The following MSR1 variants were observed in gnomAD, a reference collection of about 807,000 sequenced individuals.
MSR1 encodes the protein macrophage scavenger receptor 1.
In MSR1, 53 loss-of-function variants were observed where a neutral mutation model predicts 47.2. That is an observed-to-expected ratio of 1.12 (90% CI 0.90 to 1.41). The LOEUF is 1.41. Among genes scored for constraint, MSR1 ranks in the 40% most tolerant of loss-of-function variants. The pLI, the probability that MSR1 is intolerant of heterozygous loss-of-function variation, is 0.00. For synonymous variants in MSR1, 239 were observed against 185.6 expected, an observed-to-expected ratio of 1.29 and a Z score of -2.34; for missense variants, 786 against 546.9, an observed-to-expected ratio of 1.44 and a Z score of -4.36.
At chr8:16,157,691 G>A (rs1012469431) in intron 5 of MSR1, among the ~76,000 whole-genome samples, 1 of 151,860 alleles carries the variant, frequency 6.6e-6, no homozygotes, top group African/African-American at 2.4e-5. Context: ...CTTAGTTTCT[G>A]ATGCAGAACT....
intron 4 of MSR1, 47 bp downstream of exon 4, chr8:16,168,411 G>A (rs771233513): frequency 6.9e-6 from 11 of 1,603,690 alleles, no homozygotes; most frequent in Non-Finnish European, 9.4e-6. Context: ...ACGAGACTTG[G>A]ATGGATTCAG....
chr8:16,167,233 A>T (rs1186054907), intron 4 of MSR1, among the ~76,000 whole-genome samples: 1 of 152,040 alleles, frequency 6.6e-6, no homozygotes, highest in Non-Finnish European at 1.5e-5. Flanking sequence ...TCAATTCCTC[A>T]TGTTTGGGTT....
chr8:16,124,180 G>C (rs534219383), intron 8 of MSR1, among the ~76,000 whole-genome samples: 101 of 152,282 alleles, frequency 6.6e-4, no homozygotes, highest in African/African-American at 2.2e-3. Context: ...TGGACAAACA[G>C]GCCGAGTCAC....
intron 7 of MSR1, among the ~76,000 whole-genome samples, chr8:16,149,661 G>C (rs940101835): frequency 2.6e-5 from 4 of 151,876 alleles, no homozygotes; most frequent in African/African-American, 9.7e-5. Context: ...ATATCATCAT[G>C]TGTGTACATT....
At chr8:16,183,648 T>C (rs1801906357) in intron 1 of MSR1, among the ~76,000 whole-genome samples, 1 of 141,982 alleles carries the variant, frequency 7.0e-6, no homozygotes, top group Non-Finnish European at 1.5e-5. Flanking sequence ...ATAATAAATA[T>C]ATTATCATAT....
chr8:16,108,964 T>G lies in MSR1; in HGVS notation c.*1121A>C, dbSNP rs1320182564. 6.6e-6 allele frequency: 1 copy of G among 152,136 alleles called. No homozygotes were observed. Among genetic ancestry groups the G allele is most frequent in the Non-Finnish European group, 1.5e-5 (1 of 68,010 alleles). The allele number at this position is 152,136 out of a possible 1,614,324, so 9.4% of individuals were successfully genotyped here. A position where few individuals can be genotyped will look rare whatever the true frequency, so the allele number is the denominator to read the frequency against. On this transcript the variant is annotated 3_prime_UTR_variant, in exon 10 of 10. Transcript: ENST00000262101. ...TTCAGAATTCTGTTATTTTCAGGGCTGAGGTTGAATTCATTTGCGCTTTAA... is the reference window on the plus strand; with the variant it reads ...TTCAGAATTCTGTTATTTTCAGGGCGGAGGTTGAATTCATTTGCGCTTTAA...
chr8:16,190,345 A>C (rs1045881115), intron 1 of MSR1, among the ~76,000 whole-genome samples: 2 of 152,184 alleles, frequency 1.3e-5, no homozygotes, highest in African/African-American at 4.8e-5. Flanking sequence ...TAAATTTATA[A>C]ATATTCCAGA....
At chr8:16,132,388 G>A (rs1800281396) in intron 8 of MSR1, among the ~76,000 whole-genome samples, 1 of 152,028 alleles carries the variant, frequency 6.6e-6, no homozygotes, top group Non-Finnish European at 1.5e-5. Context: ...GAGCTTTTGG[G>A]TCAAGACTAT....
Position 16,150,284 on chromosome 8 carries a change from C to T in MSR1, c.926G>A (p.Gly309Glu), listed in dbSNP as rs1174944723. 22 of 1,570,340 alleles carry T rather than the reference C, an allele frequency of 1.4e-5. No individual in the cohort carries two copies. Among genetic ancestry groups the T allele is most frequent in the Non-Finnish European group, 1.9e-5 (22 of 1,155,710 alleles). ...IGPPGLKGDR[G>E]AIGFPGSRGL... ...TCGACTTCCAGGAAAGCCAATTGCT[C>T]CCCGATCACCTTTAAGACCCGGAGG... Residue 309 changes from glycine (G) to glutamate (E), a missense_variant, in exon 7 of 10, where the codon GGA becomes GAA. Physicochemically the swap from Gly to Glu is moderately conservative, Grantham distance 98. Transcript: ENST00000262101.
chr8:16,112,687 T>C (rs1799784821), intron 9 of MSR1, among the ~76,000 whole-genome samples: 1 of 152,088 alleles, frequency 6.6e-6, no homozygotes, highest in Non-Finnish European at 1.5e-5. Flanking sequence ...AGATAATAAC[T>C]GTTATTCAAG....
chr8:16,119,589 A>C (rs1026915121), intron 9 of MSR1, among the ~76,000 whole-genome samples: 1 of 152,146 alleles, frequency 6.6e-6, no homozygotes, highest in African/African-American at 2.4e-5. Context: ...TATTAACGCT[A>C]TGCAGGTATT....
At chr8:16,138,221 G>T (rs952891047) in intron 8 of MSR1, among the ~76,000 whole-genome samples, 1 of 152,086 alleles carries the variant, frequency 6.6e-6, no homozygotes, top group African/African-American at 2.4e-5. Context: ...AGAATGATGA[G>T]AAATACTACC....
chr8:16,133,341 G>A (rs1800309297), intron 8 of MSR1, among the ~76,000 whole-genome samples: 1 of 152,106 alleles, frequency 6.6e-6, no homozygotes, highest in Non-Finnish European at 1.5e-5. Flanking sequence ...TATTTTGAGA[G>A]TGGGAAGCTA....
intron 3 of MSR1, among the ~76,000 whole-genome samples, chr8:16,173,154 T>A (rs896583224): frequency 6.6e-6 from 1 of 152,192 alleles, no homozygotes; most frequent in African/African-American, 2.4e-5. Flanking sequence ...CCTACTGTAG[T>A]TTCAGTAAAC....
chr8:16,153,010 C>T (rs1401544726), intron 6 of MSR1, among the ~76,000 whole-genome samples: 2 of 152,040 alleles, frequency 1.3e-5, no homozygotes, highest in Non-Finnish European at 2.9e-5. Context: ...CATATTTAAA[C>T]ATAATATCCA....
intron 5 of MSR1, among the ~76,000 whole-genome samples, chr8:16,159,701 A>C (rs1801109079): frequency 6.6e-6 from 1 of 151,972 alleles, no homozygotes; most frequent in Non-Finnish European, 1.5e-5. Context: ...AAGAGTGAAC[A>C]CTGTTCTCGA....
chr8:16,157,495 G>A (rs1168061155), intron 5 of MSR1, among the ~76,000 whole-genome samples: 1 of 151,846 alleles, frequency 6.6e-6, no homozygotes, highest in Non-Finnish European at 1.5e-5. Context: ...TAGGCATGTT[G>A]AATGTACCTT....
At chr8:16,156,820 G>A (rs571308518) in intron 5 of MSR1, among the ~76,000 whole-genome samples, 2 of 151,884 alleles carry the variant, frequency 1.3e-5, no homozygotes, top group Admixed American at 6.6e-5. Context: ...ATATTTAAAT[G>A]CTGCACAAGA....
At chr8:16,112,318 A>G (rs1378635541) in intron 9 of MSR1, among the ~76,000 whole-genome samples, 1 of 152,162 alleles carries the variant, frequency 6.6e-6, no homozygotes, top group African/African-American at 2.4e-5. Context: ...AATGATAATT[A>G]TCTCCATTTC....
Sources: gnomAD v4.1 joint callset for allele counts (sites outside exome capture counted in the v4.1 genomes callset) on GRCh38, gnomAD v4.1.1 for gene constraint, MANE v1.5 for transcripts, NCBI Gene and HGNC (gene_info 2026-07-23, HGNC 2026-07-21) for gene names.